The following CD36 variants were observed in gnomAD, a reference collection of about 807,000 sequenced individuals.
CD36 encodes the protein CD36 molecule (CD36 blood group), also known as platelet glycoprotein 4.
Under a neutral mutation model 55.2 loss-of-function variants are expected in CD36, and 119 were observed. The observed-to-expected ratio is 2.15, with a 90% confidence interval of 1.86 to 2.51. The LOEUF is 2.51. Ranked by LOEUF, CD36 falls within the 30% of genes most tolerant of loss-of-function variation. CD36 has a pLI of 0.00. For missense variants in CD36, 819 were observed against 555.5 expected, an observed-to-expected ratio of 1.47 and a Z score of -4.77; for synonymous variants, 186 against 193.6, an observed-to-expected ratio of 0.96 and a Z score of 0.33.
chr7:80,645,016 T>G (rs1247173211), intron 1 of CD36, among the ~76,000 whole-genome samples: 2 of 87,340 alleles, frequency 2.3e-5, no homozygotes, highest in Admixed American at 3.5e-4. Flanking sequence ...TATTCTTTCT[T>G]CCAATCTTTT....
intron 1 of CD36, among the ~76,000 whole-genome samples, chr7:80,606,786 A>G (rs1792573514): frequency 6.6e-6 from 1 of 152,152 alleles, no homozygotes; most frequent in Non-Finnish European, 1.5e-5. Flanking sequence ...GTTCTTTGCT[A>G]GCCTAGTCAC....
intron 9 of CD36, chr7:80,670,343 G>A (rs1797541723): frequency 2.8e-6 from 1 of 351,026 alleles, no homozygotes; most frequent in Non-Finnish European, 5.4e-6. Context: ...AATGTGCTCT[G>A]CTCAGATTTG....
chr7:80,656,751 C>G (rs369569788), intron 4 of CD36, 51 bp downstream of exon 4: 22 of 1,514,632 alleles, frequency 1.5e-5, no homozygotes, highest in Non-Finnish European at 1.7e-5. Flanking sequence ...CCATGTATTT[C>G]TGAGAAGTCT....
intron 9 of CD36, chr7:80,670,758 G>A (rs1259455602): frequency 1.8e-6 from 1 of 542,524 alleles, no homozygotes; most frequent in Non-Finnish European, 3.3e-6. Context: ...AGTAACTTGA[G>A]TATAAATAAA....
At chr7:80,639,031 A>G (rs988316208) in intron 1 of CD36, among the ~76,000 whole-genome samples, 6 of 152,034 alleles carry the variant, frequency 3.9e-5, no homozygotes, top group African/African-American at 1.4e-4. Flanking sequence ...TCCAATTTGG[A>G]TTATTATAAA....
chr7:80,640,521 A>G (rs1160351134), intron 1 of CD36, among the ~76,000 whole-genome samples: 1 of 152,042 alleles, frequency 6.6e-6, no homozygotes, highest in Non-Finnish European at 1.5e-5. Context: ...ACAAACTTCA[A>G]TACTAACACC....
chr7:80,645,410 G>C (rs1437564782), intron 1 of CD36, among the ~76,000 whole-genome samples: 1 of 151,462 alleles, frequency 6.6e-6, no homozygotes, highest in Non-Finnish European at 1.5e-5. Flanking sequence ...GAGGTGGGTG[G>C]ATCACGAGGT....
At chr7:80,610,741 AT>A (rs1792834330) in intron 1 of CD36, among the ~76,000 whole-genome samples, 1 of 151,838 alleles carries the variant, frequency 6.6e-6, no homozygotes, top group South Asian at 2.1e-4. Context: ...CGCCTGGCTA[AT>A]TTTTTGGATT....
upstream of CD36, among the ~76,000 whole-genome samples, chr7:80,635,937 G>A (rs1003128483): frequency 1.3e-5 from 2 of 152,052 alleles, no homozygotes; most frequent in African/African-American, 4.8e-5. Context: ...AGCTTATTCT[G>A]TACTATAGGG....
chr7:80,649,493 GAA>G (rs3211823), intron 3 of CD36, among the ~76,000 whole-genome samples: 20 of 151,208 alleles, frequency 1.3e-4, no homozygotes, highest in South Asian at 1.3e-3. Context: ...TGAGTATATA[GAA>G]AAAAAAAACT....
chr7:80,677,092 A>C lies in CD36; in HGVS notation c.*709A>C, dbSNP rs999371793. The stretch of plus-strand genomic sequence containing the variant: ...TCTGAAGTATATTTTATCTGAATCC[A>C]CATTTCTTTATAAATCCATAGTCCT... On this transcript the variant is annotated 3_prime_UTR_variant, in exon 15 of 15. Coordinates refer to ENST00000447544, the MANE Select transcript of CD36 (RefSeq NM_001001548.3). 4 of 152,270 alleles carry C rather than the reference A, an allele frequency of 2.6e-5. No homozygotes were observed. The highest frequency in any genetic ancestry group is 3.4e-3 in the Middle Eastern group (1 of 294). The allele number at this position is 152,270 out of a possible 1,614,324, so 9.4% of individuals were successfully genotyped here. A position where few individuals can be genotyped will look rare whatever the true frequency, so the allele number is the denominator to read the frequency against.
intron 3 of CD36, among the ~76,000 whole-genome samples, chr7:80,649,358 G>C (rs1317187553): frequency 6.6e-6 from 1 of 151,910 alleles, no homozygotes; most frequent in Non-Finnish European, 1.5e-5. Flanking sequence ...CCAGAGATAG[G>C]AAAACAAACA....
chr7:80,644,295 G>A (rs1239335420), intron 1 of CD36, among the ~76,000 whole-genome samples: 1 of 152,130 alleles, frequency 6.6e-6, no homozygotes, highest in South Asian at 2.1e-4. Flanking sequence ...CAGTGAGACA[G>A]AAAATTCCAC....
intron 1 of CD36, among the ~76,000 whole-genome samples, chr7:80,621,162 C>A (rs1206553933): frequency 6.6e-6 from 1 of 151,884 alleles, no homozygotes; most frequent in East Asian, 1.9e-4. Flanking sequence ...TTTTTTTTAG[C>A]AATAAGGTAT....
chr7:80,664,010 A>T (rs1219648088), intron 6 of CD36, among the ~76,000 whole-genome samples: 1 of 152,018 alleles, frequency 6.6e-6, no homozygotes, highest in Non-Finnish European at 1.5e-5. Flanking sequence ...TTATCATTTT[A>T]GTAACCACTT....
Position 80,672,022 on chromosome 7 carries a change from A to ATACTTGGATATTGAACCTGT in CD36, c.1108_1125+2dup. 1 of 1,607,606 alleles carries ATACTTGGATATTGAACCTGT rather than the reference A, an allele frequency of 6.2e-7. No individual in the cohort carries two copies. Among genetic ancestry groups the ATACTTGGATATTGAACCTGT allele is most frequent in the Non-Finnish European group, 8.5e-7 (1 of 1,175,246 alleles). ...ACCCAAATGAAGAAGAACATAGGAC[A>ATACTTGGATATTGAACCTGT]TACTTGGATATTGAACCTGTAAGAA... On this transcript the variant is annotated frameshift_variant, in exon 11 of 15. Transcript: ENST00000447544. LOFTEE classifies it high-confidence loss of function.
At chr7:80,603,153 C>T (rs1349803493) in intron 1 of CD36, among the ~76,000 whole-genome samples, 2 of 151,928 alleles carry the variant, frequency 1.3e-5, no homozygotes, top group East Asian at 3.9e-4. Context: ...TCAGACAACA[C>T]CGCCAGGAAT....
intron 3 of CD36, among the ~76,000 whole-genome samples, chr7:80,650,020 G>A (rs3807090): frequency 6.6e-6 from 1 of 151,976 alleles, no homozygotes; most frequent in Non-Finnish European, 1.5e-5. Context: ...AAAGAAGGGG[G>A]AATTAAATCA....
rs775392925 is a variant in CD36 at position 80,674,098 on chromosome 7, T to C, written c.1370T>C (p.Val457Ala). 3 of 1,612,642 alleles carry C rather than the reference T, an allele frequency of 1.9e-6. No individual in the cohort carries two copies. Among genetic ancestry groups the C allele is most frequent in the Admixed American group, 3.3e-5 (2 of 59,888 alleles). Residue 457 changes from valine (V) to alanine (A), a missense_variant, in exon 14 of 15, where the codon GTT (valine) becomes GCT (alanine). Val to Ala is a moderately conservative substitution (Grantham distance 64, BLOSUM62 0). Transcript: ENST00000447544. ...ILLSVGVVMF[V>A]AFMISYCACR... ...CTCAGTGTTGGTGTGGTGATGTTTG[T>C]TGCTTTTATGATTTCATATTGTGCA...
Sources: allele counts gnomAD v4.1 joint callset (sites outside exome capture counted in the v4.1 genomes callset), GRCh38; gene constraint gnomAD v4.1.1; transcripts MANE v1.5; gene names NCBI Gene and HGNC (gene_info 2026-07-23, HGNC 2026-07-21).